Variants in PPP2R2B observed in about 807,000 individuals in gnomAD.
PPP2R2B encodes the protein protein phosphatase 2 regulatory subunit Bbeta, also known as serine/threonine-protein phosphatase 2A 55 kDa regulatory subunit B beta isoform.
Under a neutral mutation model 46.0 loss-of-function variants are expected in PPP2R2B, and 5 were observed. The observed-to-expected ratio is 0.11, with a 90% CI of 0.06 to 0.23. The LOEUF (loss-of-function observed/expected upper bound fraction) is 0.23, where lower values mean the gene tolerates loss of function less well. PPP2R2B is among the 10% of genes least tolerant of loss of function. The probability of loss-of-function intolerance (pLI) is 1.00; values close to 1 mark genes in which losing one functional copy is unlikely to be tolerated. For missense variants in PPP2R2B, 367 were observed against 575.0 expected (o/e 0.64, Z 3.70); for synonymous variants, 215 against 206.7 (o/e 1.04, Z -0.34).
chr5:146,906,956 C>T (rs1230252798), intron 1 of PPP2R2B, among the ~76,000 whole-genome samples: 1 of 152,138 alleles, frequency 6.6e-6, no homozygotes, highest in Non-Finnish European at 1.5e-5. Flanking sequence ...AGCCGAGTTA[C>T]ACTGTAGCAG....
In PPP2R2B at chr5:146,934,223, T is replaced by G. The variant is rs562633841; in HGVS notation, c.79+121442A>C. Among the ~76,000 whole-genome samples the G allele has an allele frequency of 6.8e-3, 1,039 of 151,878 alleles. 11 individuals carry two copies. The highest frequency in any genetic ancestry group is 0.023 in the African/African-American group (947 of 41,402). ...GTAATGGGATGGCTGGGTCAAATGG[T>G]ATTTCTAGTTCTAGATCCCTGAGGA... On this transcript the variant is annotated intron_variant, in intron 1 of 8. Coordinates refer to the PPP2R2B transcript ENST00000336640.
intron 7 of PPP2R2B, among the ~76,000 whole-genome samples, chr5:146,619,576 C>G (rs1205983286): frequency 1.3e-5 from 2 of 152,180 alleles, no homozygotes; most frequent in African/African-American, 4.8e-5. Context: ...ATTTGTAAGG[C>G]CTAAATTTTT....
At chr5:147,062,019 T>A (rs1366999512) in intron 2 of PPP2R2B, among the ~76,000 whole-genome samples, 1 of 152,196 alleles carries the variant, frequency 6.6e-6, no homozygotes, top group Non-Finnish European at 1.5e-5. Flanking sequence ...TAATAGATGA[T>A]GATAATACAG....
intron 2 of PPP2R2B, among the ~76,000 whole-genome samples, chr5:146,822,243 C>T (rs908746272): frequency 2.6e-5 from 4 of 152,302 alleles, no homozygotes; most frequent in Non-Finnish European, 5.9e-5. Flanking sequence ...TTTGAAAGAG[C>T]GATCTTCTGG....
chr5:146,702,686 C>T (rs569293414), intron 2 of PPP2R2B, among the ~76,000 whole-genome samples: 40 of 152,242 alleles, frequency 2.6e-4, no homozygotes, highest in Non-Finnish European at 5.1e-4. Flanking sequence ...GTATTTTTTC[C>T]AATGCCATGA....
intron 1 of PPP2R2B, among the ~76,000 whole-genome samples, chr5:146,983,416 G>T (rs569013104): frequency 4.6e-5 from 7 of 152,016 alleles, no homozygotes; most frequent in Non-Finnish European, 8.8e-5. Context: ...TCCTGACCTC[G>T]TGATCTGCCC....
intron 5 of PPP2R2B, among the ~76,000 whole-genome samples, chr5:146,654,391 T>C (rs1218850258): frequency 6.6e-6 from 1 of 152,226 alleles, no homozygotes; most frequent in African/African-American, 2.4e-5. Context: ...AATGAAACTA[T>C]TAGGTTGAAA....
Position 146,797,821 on chromosome 5 carries a change from T to G in PPP2R2B, c.70+80181A>C, listed in dbSNP as rs137987635. 2.8e-3 allele frequency among the ~76,000 whole-genome samples: 421 copies of G among 152,260 alleles called. 1 individual carries two copies. The highest frequency in any genetic ancestry group is 6.6e-3 in the Admixed American group (101 of 15,290). On this transcript the variant is annotated intron_variant, in intron 2 of 9. Transcript: ENST00000394411. ...GGGGCTCAGGACTCCAACGCACAACTGCAATTTTCCTTTTGAAAGCAAGAA... is the reference window on the plus strand; with the variant it reads ...GGGGCTCAGGACTCCAACGCACAACGGCAATTTTCCTTTTGAAAGCAAGAA...
At chr5:146,638,193 C>A in intron 7 of PPP2R2B, 58 bp downstream of exon 7, 2 of 1,559,184 alleles carry the variant, frequency 1.3e-6, no homozygotes, top group East Asian at 2.3e-5. Flanking sequence ...TCCAGGCTCT[C>A]CCCCAGCACA....
chr5:146,591,126 A>ATC (rs1770607619), intron 9 of PPP2R2B, among the ~76,000 whole-genome samples: 1 of 152,028 alleles, frequency 6.6e-6, no homozygotes, highest in South Asian at 2.1e-4. Flanking sequence ...CCCAAGTGCC[A>ATC]TCACACGGTG....
At chr5:146,669,996 A>T (rs1186851720) in intron 5 of PPP2R2B, among the ~76,000 whole-genome samples, 1 of 152,230 alleles carries the variant, frequency 6.6e-6, no homozygotes, top group Admixed American at 6.5e-5. Context: ...TTCTCTCTGC[A>T]GTAAACTCAA....
At chr5:146,923,102 C>T (rs1459978389) in intron 1 of PPP2R2B, among the ~76,000 whole-genome samples, 3 of 152,084 alleles carry the variant, frequency 2.0e-5, no homozygotes, top group African/African-American at 2.4e-5. Context: ...CAGGTTTTTC[C>T]GCTACATGAG....
chr5:146,683,887 C>T (rs557468974), intron 5 of PPP2R2B, among the ~76,000 whole-genome samples: 2 of 152,292 alleles, frequency 1.3e-5, no homozygotes, highest in Admixed American at 6.5e-5. Context: ...GTATGTGCAT[C>T]CCACTGAGTT....
chr5:146,997,589 A>C (rs150066687), intron 1 of PPP2R2B, among the ~76,000 whole-genome samples: 2 of 152,222 alleles, frequency 1.3e-5, no homozygotes, highest in Non-Finnish European at 2.9e-5. Context: ...ATCTTGATGC[A>C]TGCCAACATG....
chr5:146,947,898 C>T (rs890761513), intron 1 of PPP2R2B, among the ~76,000 whole-genome samples: 5 of 151,518 alleles, frequency 3.3e-5, no homozygotes, highest in African/African-American at 1.2e-4. Context: ...AGGCGAAATC[C>T]CACTAATCAC....
chr5:146,900,347 G>T (rs1762785877), intron 1 of PPP2R2B, among the ~76,000 whole-genome samples: 1 of 152,156 alleles, frequency 6.6e-6, no homozygotes, highest in South Asian at 2.1e-4. Context: ...GGGAAAAGAA[G>T]ATACAATGTA....
intron 2 of PPP2R2B, among the ~76,000 whole-genome samples, chr5:146,782,668 C>A (rs1158696569): frequency 1.3e-5 from 2 of 151,976 alleles, no homozygotes; most frequent in Non-Finnish European, 2.9e-5. Flanking sequence ...TTTTTCCTTG[C>A]CCATTTTTTT....
chr5:146,657,649 T>G (rs768934171), intron 5 of PPP2R2B, among the ~76,000 whole-genome samples: 2 of 149,392 alleles, frequency 1.3e-5, no homozygotes, highest in Non-Finnish European at 3.0e-5. Flanking sequence ...TGAATCTTAC[T>G]AAGGTGTACT....
chr5:146,804,979 C>G (rs1757085871), intron 2 of PPP2R2B, among the ~76,000 whole-genome samples: 1 of 152,064 alleles, frequency 6.6e-6, no homozygotes, highest in Admixed American at 6.6e-5. Flanking sequence ...GTTGCTTCAG[C>G]CTTCAGAAAA....
Sources: gnomAD v4.1 joint callset for allele counts (sites outside exome capture counted in the v4.1 genomes callset) on GRCh38, gnomAD v4.1.1 for gene constraint, MANE v1.5 for transcripts, NCBI Gene and HGNC (gene_info 2026-07-23, HGNC 2026-07-21) for gene names.